Variants in GNS observed in about 807,000 individuals in gnomAD.
GNS encodes the protein N-acetylglucosamine-6-sulfatase.
Under a neutral mutation model 69.7 loss-of-function variants are expected in GNS, and 40 were observed. The observed-to-expected ratio is 0.57, with a 90% CI of 0.45 to 0.75. The LOEUF (loss-of-function observed/expected upper bound fraction) is 0.75. GNS is among the 30% of genes least tolerant of loss of function. The pLI, the probability that GNS is intolerant of heterozygous loss-of-function variation, is 0.00. For missense variants in GNS, 565 were observed against 685.5 expected, an observed-to-expected ratio of 0.82 and a Z score of 1.96; for synonymous variants, 243 against 251.6, an observed-to-expected ratio of 0.97 and a Z score of 0.32.
chr12:64,735,107 C>T (rs993913622), intron 9 of GNS, among the ~76,000 whole-genome samples: 1 of 152,136 alleles, frequency 6.6e-6, no homozygotes, highest in Non-Finnish European at 1.5e-5. Flanking sequence ...AAGACTCCAT[C>T]TCAAAAAAAA....
At chr12:64,743,827 A>G (rs1420123998) in intron 5 of GNS, among the ~76,000 whole-genome samples, 1 of 152,242 alleles carries the variant, frequency 6.6e-6, no homozygotes, top group Non-Finnish European at 1.5e-5. Context: ...CATGGACTTA[A>G]GTTTTGCCTT....
chr12:64,730,019 A>G (rs981299366), intron 9 of GNS, among the ~76,000 whole-genome samples: 9 of 152,212 alleles, frequency 5.9e-5, no homozygotes, highest in African/African-American at 2.2e-4. Context: ...GACAGCCACA[A>G]GTGGATAATG....
At position 64,722,921 on chromosome 12, in the gene GNS, G is replaced by T. The variant is rs1869077788; in HGVS notation, c.1308+85C>A. 3.6e-6 allele frequency: 3 copies of T among 830,954 alleles called. No homozygotes were observed. The Admixed American group carries it at 5.2e-5, about 14-fold the overall frequency. The allele number at this position is 830,954 out of a possible 1,614,324, so 51.5% of individuals were successfully genotyped here. ...CAAAGGAACAGGACTCAGATGAAAG[G>T]TTTCAATATTTGACACATGGCAACC... On this transcript the variant is annotated intron_variant, in intron 11 of 13. Transcript: ENST00000258145.
chr12:64,759,321 G>C lies in GNS; in HGVS notation c.-45C>G. ...GACCCCGGGACGGGACGGGACGGAGGGACGCACAGGTAGCTGAAGGGCGAG... is the reference window on the plus strand; with the variant it reads ...GACCCCGGGACGGGACGGGACGGAGCGACGCACAGGTAGCTGAAGGGCGAG... On this transcript the variant is annotated 5_prime_UTR_variant, in exon 1 of 14. Coordinates refer to ENST00000258145, the MANE Select transcript of GNS (RefSeq NM_002076.4). The C allele has an allele frequency of 2.3e-6, 3 of 1,313,098 alleles. No individual in the cohort carries two copies. Among genetic ancestry groups the C allele is most frequent in the East Asian group, 2.5e-5 (1 of 39,512 alleles). 81.3% of individuals were successfully genotyped at this position (1,313,098 alleles called of 1,614,324 possible).
At chr12:64,736,145 G>A (rs1869550052) in intron 9 of GNS, among the ~76,000 whole-genome samples, 1 of 152,210 alleles carries the variant, frequency 6.6e-6, no homozygotes. Flanking sequence ...CATAGCTGGT[G>A]GAGGCTGTCA....
intron 2 of GNS, among the ~76,000 whole-genome samples, chr12:64,748,504 C>T (rs935020291): frequency 1.7e-4 from 26 of 152,024 alleles, no homozygotes; most frequent in Non-Finnish European, 5.9e-5. Context: ...CCACTGCACC[C>T]AGCCAGAAAT....
intron 4 of GNS, among the ~76,000 whole-genome samples, chr12:64,745,412 G>C (rs953386330): frequency 3.3e-5 from 5 of 151,668 alleles, no homozygotes; most frequent in Non-Finnish European, 7.4e-5. Flanking sequence ...TTGAAATGGG[G>C]TCTCGCCATT....
chr12:64,716,375 G>T lies in GNS; in HGVS notation c.*366C>A. 3.0e-6 allele frequency: 1 copy of T among 332,148 alleles called. No homozygotes were observed. Among genetic ancestry groups the T allele is most frequent in the South Asian group, 2.7e-5 (1 of 36,838 alleles). 20.6% of individuals were successfully genotyped at this position (332,148 alleles called of 1,614,324 possible). Reference sequence around the variant, plus strand: ...TCAAAAGGTGTGTCTGTGTGTTTGTGTGTGTCCTAAAGTACTGCCATTTAT... The same window carrying T: ...TCAAAAGGTGTGTCTGTGTGTTTGTTTGTGTCCTAAAGTACTGCCATTTAT... On this transcript the variant is annotated 3_prime_UTR_variant, in exon 14 of 14. Coordinates refer to ENST00000258145, the MANE Select transcript of GNS (RefSeq NM_002076.4).
chr12:64,746,506 C>T (rs1330253039), intron 3 of GNS, among the ~76,000 whole-genome samples: 1 of 152,140 alleles, frequency 6.6e-6, no homozygotes, highest in Non-Finnish European at 1.5e-5. Context: ...AATACTTCTG[C>T]TCCCAAGCAT....
At chr12:64,747,968 C>T (rs1467826851) in intron 2 of GNS, 50 bp from the exon 3 acceptor site, 1 of 963,174 alleles carries the variant, frequency 1.0e-6, no homozygotes, top group Non-Finnish European at 1.7e-6. Flanking sequence ...GAAAGATGGA[C>T]TTCTCATCAT....
intron 10 of GNS, among the ~76,000 whole-genome samples, chr12:64,726,633 T>G (rs1163726446): frequency 2.0e-5 from 3 of 152,164 alleles, no homozygotes; most frequent in African/African-American, 7.2e-5. Context: ...TAGTTGGGAC[T>G]ACAGATGCAC....
intron 10 of GNS, among the ~76,000 whole-genome samples, chr12:64,726,813 G>C (rs904773943): frequency 2.0e-5 from 3 of 151,808 alleles, no homozygotes; most frequent in African/African-American, 7.3e-5. Flanking sequence ...CTTAATACAT[G>C]GAAAAGACAA....
At position 64,740,498 on chromosome 12, in the gene GNS, C is replaced by T. The variant is rs1869698063; in HGVS notation, c.875+108G>A. On this transcript the variant is annotated intron_variant, in intron 7 of 13. Transcript: ENST00000258145. ...AAGCCTCTCTCCCACTGACTTGCTT[C>T]CCTCTGTTTTTGTTTCAGAGACAAC... The T allele has an allele frequency of 6.6e-6, 5 of 761,434 alleles. No individual in the cohort carries two copies. The Admixed American group carries it at 7.2e-5, about 11-fold the overall frequency. The allele number at this position is 761,434 out of a possible 1,614,324, so 47.2% of individuals were successfully genotyped here. A position where few individuals can be genotyped will look rare whatever the true frequency, so the allele number is the denominator to read the frequency against.
At chr12:64,755,903 G>A (rs1359153505) in intron 1 of GNS, among the ~76,000 whole-genome samples, 3 of 152,058 alleles carry the variant, frequency 2.0e-5, no homozygotes, top group Non-Finnish European at 4.4e-5. Context: ...TCCTGACCTC[G>A]TGATCTGTCC....
intron 6 of GNS, among the ~76,000 whole-genome samples, chr12:64,740,916 C>T (rs1869710309): frequency 6.6e-6 from 1 of 152,122 alleles, no homozygotes; most frequent in Non-Finnish European, 1.5e-5. Context: ...CCCAGCACCT[C>T]CCAAACCATA....
chr12:64,758,551 T>C (rs1005863118), intron 1 of GNS, among the ~76,000 whole-genome samples: 3 of 152,094 alleles, frequency 2.0e-5, no homozygotes, highest in South Asian at 2.1e-4. Context: ...TCTCGATCTC[T>C]TGACCTTCTG....
At chr12:64,752,991 G>A in intron 1 of GNS, 1 of 569,412 alleles carries the variant, frequency 1.8e-6, no homozygotes, top group Non-Finnish European at 3.1e-6. Flanking sequence ...AAGTTCAGTT[G>A]ATGGCAATAA....
Position 64,759,222 on chromosome 12 carries a change from G to T in GNS, c.55C>A (p.Leu19Met). ...AGCAGCGCTGGGCTGCAGGAGGGCA[G>T]GTGGCGGGGGCTGCCCCGCCGGAGC... ...GRLRRGSPRH[L>M]PSCSPALLLL... The change falls in exon 1 of 14, where the codon CTG becomes ATG. Residue 19 changes from leucine (L) to methionine (M), a missense_variant. Leu to Met is a conservative substitution (Grantham distance 15). Around this residue, in one of 2 missense-constraint regions of GNS, gnomAD observed 181 missense variants for 174.4 expected, o/e 1.04. Coordinates refer to ENST00000258145, the MANE Select transcript of GNS (RefSeq NM_002076.4). The T allele has an allele frequency of 1.3e-6, 2 of 1,545,946 alleles. No individual in the cohort carries two copies. Among genetic ancestry groups the T allele is most frequent in the Non-Finnish European group, 1.7e-6 (2 of 1,145,080 alleles).
intron 10 of GNS, among the ~76,000 whole-genome samples, chr12:64,727,132 G>A (rs946166190): frequency 2.6e-5 from 4 of 151,402 alleles, no homozygotes; most frequent in African/African-American, 7.3e-5. Context: ...GCTCCCACCC[G>A]TAATCTCAGC....
Sources: gnomAD v4.1 joint callset for allele counts (sites outside exome capture counted in the v4.1 genomes callset) on GRCh38, gnomAD v4.1.1 for gene constraint, gnomAD v4.1.1 regional missense constraint, MANE v1.5 for transcripts, NCBI Gene and HGNC (gene_info 2026-07-23, HGNC 2026-07-21) for gene names.